The following MEF2A variants were observed in gnomAD, a reference collection of about 807,000 sequenced individuals.
The protein encoded by MEF2A is myocyte-specific enhancer factor 2A.
A neutral mutation model predicts 55.8 loss-of-function variants in MEF2A; 28 were observed. That is an observed-to-expected ratio of 0.50 (90% CI 0.37 to 0.69). The LOEUF is 0.69. Among genes scored for constraint, MEF2A ranks in the 30% least tolerant of loss-of-function variants. MEF2A has a pLI of 0.00. For missense variants in MEF2A, 528 were observed against 626.2 expected (o/e 0.84, Z 1.67); for synonymous variants, 239 against 227.1 (o/e 1.05, Z -0.47).
intron 5 of MEF2A, 36 bp from the exon 6 acceptor site, chr15:99,674,357 A>G (rs759575843): frequency 6.4e-7 from 1 of 1,559,628 alleles, no homozygotes; most frequent in Admixed American, 1.8e-5. Flanking sequence ...TGAATACGAA[A>G]CCAACAGTTT....
intron 1 of MEF2A, among the ~76,000 whole-genome samples, chr15:99,578,681 T>TTCTG (rs1965058575): frequency 6.6e-6 from 1 of 152,206 alleles, no homozygotes; most frequent in Non-Finnish European, 1.5e-5. Flanking sequence ...CCACAGTCAA[T>TTCTG]TCTGCTATAA....
chr15:99,701,101 G>A (rs188977), intron 8 of MEF2A, among the ~76,000 whole-genome samples: 95,604 of 152,100 alleles, frequency 0.63, 34,335 homozygotes, highest in Middle Eastern at 0.86. Flanking sequence ...CTTTGTCTCA[G>A]AATGTCTCTT....
At chr15:99,653,618 G>GT (rs2047212860) in intron 4 of MEF2A, among the ~76,000 whole-genome samples, 1 of 152,064 alleles carries the variant, frequency 6.6e-6, no homozygotes, top group African/African-American at 2.4e-5. Context: ...TGGGATTATG[G>GT]TTTTTTCCTC....
chr15:99,686,454 ACTCT>A (rs1211389085), intron 7 of MEF2A, among the ~76,000 whole-genome samples: 2 of 151,526 alleles, frequency 1.3e-5, no homozygotes. Context: ...TCTGAAAAAG[ACTCT>A]CTCTTCTTCA....
chr15:99,603,512 G>A (rs1283396856), intron 2 of MEF2A, among the ~76,000 whole-genome samples: 1 of 147,062 alleles, frequency 6.8e-6, no homozygotes, highest in Admixed American at 6.8e-5. Flanking sequence ...AGCTGGGACT[G>A]TAGGCATGCA....
At chr15:99,586,143 A>T (rs568138510) in intron 1 of MEF2A, among the ~76,000 whole-genome samples, 1 of 152,168 alleles carries the variant, frequency 6.6e-6, no homozygotes, top group Non-Finnish European at 1.5e-5. Flanking sequence ...ATTTGAGTAC[A>T]TGCCTTTGTA....
intron 1 of MEF2A, among the ~76,000 whole-genome samples, chr15:99,577,093 A>G (rs1964538685): frequency 6.6e-6 from 1 of 152,236 alleles, no homozygotes; most frequent in Admixed American, 6.5e-5. Flanking sequence ...TCTGGGCATC[A>G]CTTTAATTAT....
At chr15:99,592,336 T>G (rs1271937004) in intron 1 of MEF2A, among the ~76,000 whole-genome samples, 1 of 152,156 alleles carries the variant, frequency 6.6e-6, no homozygotes, top group Admixed American at 6.6e-5. Context: ...TGCCTGGCCT[T>G]GTGAATTTCA....
intron 3 of MEF2A, among the ~76,000 whole-genome samples, chr15:99,638,059 T>C (rs1355887754): frequency 6.6e-6 from 1 of 152,246 alleles, no homozygotes. Context: ...ATTGGACATT[T>C]GTATATCTTC....
chr15:99,592,475 A>G (rs1969637184), intron 1 of MEF2A, among the ~76,000 whole-genome samples: 1 of 152,144 alleles, frequency 6.6e-6, no homozygotes, highest in Non-Finnish European at 1.5e-5. Context: ...TGTATGTGCA[A>G]AACACACTGT....
chr15:99,604,499 T>G (rs1974366040), intron 2 of MEF2A, among the ~76,000 whole-genome samples: 1 of 152,162 alleles, frequency 6.6e-6, no homozygotes, highest in African/African-American at 2.4e-5. Context: ...TCTCTTCATG[T>G]TCTTATTTTT....
At chr15:99,666,381 T>C (rs904212070) in intron 4 of MEF2A, among the ~76,000 whole-genome samples, 1 of 151,342 alleles carries the variant, frequency 6.6e-6, no homozygotes, top group East Asian at 1.9e-4. Flanking sequence ...TAAGTGGGAG[T>C]TGAACAATGA....
chr15:99,585,952 A>G (rs1255556191), intron 1 of MEF2A, among the ~76,000 whole-genome samples: 5 of 152,072 alleles, frequency 3.3e-5, no homozygotes, highest in Non-Finnish European at 5.9e-5. Flanking sequence ...TGCAATAGGT[A>G]TTCTCTAGTG....
At chr15:99,645,478 TAAG>T (rs986617705) in intron 3 of MEF2A, 80 bp from the exon 4 acceptor site, 16 of 1,033,820 alleles carry the variant, frequency 1.5e-5, no homozygotes, top group Middle Eastern at 3.2e-4. Flanking sequence ...GGCTCAGTAT[TAAG>T]AAGAAGATTC....
chr15:99,633,563 A>G (rs888708251), intron 3 of MEF2A, among the ~76,000 whole-genome samples: 21 of 152,300 alleles, frequency 1.4e-4, no homozygotes, highest in Admixed American at 3.9e-4. Flanking sequence ...GTTAACTATA[A>G]TTATCAGTGA....
chr15:99,570,442 TA>T (rs1961704077), intron 1 of MEF2A, among the ~76,000 whole-genome samples: 2 of 152,282 alleles, frequency 1.3e-5, no homozygotes, highest in East Asian at 1.9e-4. Context: ...TATATGGACT[TA>T]AAAAAATTCT....
At chr15:99,601,807 TTGTGTGTG>T (rs56729766) in intron 2 of MEF2A, among the ~76,000 whole-genome samples, 2,638 of 138,868 alleles carry the variant, frequency 0.019, 30 homozygotes, top group East Asian at 0.042. Flanking sequence ...TTTGTCTGTT[TTGTGTGTG>T]TGTGTGTGTG....
At chr15:99,709,208 AT>A (rs1267923109) in intron 10 of MEF2A, among the ~76,000 whole-genome samples, 1 of 152,158 alleles carries the variant, frequency 6.6e-6, no homozygotes, top group Non-Finnish European at 1.5e-5. Flanking sequence ...AGCAGATAGA[AT>A]TGCTCAGACC....
At chr15:99,671,753 T>A in intron 5 of MEF2A, 2 of 1,266,270 alleles carry the variant, frequency 1.6e-6, no homozygotes, top group Non-Finnish European at 2.1e-6. Flanking sequence ...ATGACAACAA[T>A]AAGTAGAAGG....
Sources: allele counts gnomAD v4.1 joint callset (sites outside exome capture counted in the v4.1 genomes callset), GRCh38; gene constraint gnomAD v4.1.1; transcripts MANE v1.5; gene names NCBI Gene and HGNC (gene_info 2026-07-23, HGNC 2026-07-21).